The following SHANK2 variants were observed in gnomAD, a reference collection of about 807,000 sequenced individuals.
SHANK2 encodes SH3 and multiple ankyrin repeat domains 2, also known as SH3 and multiple ankyrin repeat domains protein 2.
In SHANK2, 43 loss-of-function variants were observed where a neutral mutation model predicts 133.7. The ratio of observed to expected loss-of-function variants is 0.32; its 90% CI spans 0.25 to 0.41. SHANK2 has a LOEUF of 0.41. Among genes scored for constraint, SHANK2 ranks in the 10% least tolerant of loss-of-function variants. The pLI is 1.00. For missense variants in SHANK2, 1,994 were observed against 2,235.8 expected (o/e 0.89, Z 2.18); for synonymous variants, 1,017 against 952.8 (o/e 1.07, Z -1.24).
chr11:70,607,888 GC>G (rs1161318500), intron 17 of SHANK2, among the ~76,000 whole-genome samples: 1 of 152,214 alleles, frequency 6.6e-6, no homozygotes, highest in Non-Finnish European at 1.5e-5. Context: ...ACAACATATA[GC>G]CCCCCTTTCA....
chr11:71,138,261 C>A (rs1264325423), intron 3 of SHANK2, among the ~76,000 whole-genome samples: 3 of 152,216 alleles, frequency 2.0e-5, no homozygotes, highest in African/African-American at 7.2e-5. Flanking sequence ...AATGGCCGGG[C>A]GCCTCATGGT....
At chr11:71,062,995 TCAAAA>T (rs1951005734) in intron 9 of SHANK2, among the ~76,000 whole-genome samples, 1 of 29,740 alleles carries the variant, frequency 3.4e-5, no homozygotes, top group African/African-American at 1.5e-4. Flanking sequence ...AGACCCTGTC[TCAAAA>T]AAAAAAAAAA....
intron 14 of SHANK2, among the ~76,000 whole-genome samples, chr11:70,761,570 C>T (rs190164485): frequency 4.6e-5 from 7 of 152,212 alleles, no homozygotes; most frequent in Admixed American, 4.6e-4. Flanking sequence ...CCCGGGTGCA[C>T]CAGTGTTCCC....
At chr11:70,716,624 G>A (rs558553810) in intron 14 of SHANK2, among the ~76,000 whole-genome samples, 4 of 152,012 alleles carry the variant, frequency 2.6e-5, no homozygotes, top group South Asian at 2.1e-4. Flanking sequence ...CCCGCCCTCC[G>A]CCCCTGGCCG....
intron 11 of SHANK2, among the ~76,000 whole-genome samples, chr11:70,844,190 C>T (rs1948959465): frequency 6.6e-6 from 1 of 152,312 alleles, no homozygotes; most frequent in Non-Finnish European, 1.5e-5. Flanking sequence ...CTGCCACAGG[C>T]ACCCCTACAA....
chr11:70,757,052 G>C (rs1175954728), intron 14 of SHANK2, among the ~76,000 whole-genome samples: 1 of 152,180 alleles, frequency 6.6e-6, no homozygotes. Context: ...GCCGTGTGAA[G>C]GTCAAAGGCT....
At chr11:70,675,450 G>A (rs1944889074) in intron 15 of SHANK2, among the ~76,000 whole-genome samples, 1 of 152,210 alleles carries the variant, frequency 6.6e-6, no homozygotes, top group Admixed American at 6.5e-5. Flanking sequence ...CAGGGCTGGA[G>A]GCAAAGCCAG....
At chr11:70,581,599 G>A (rs59167916) in intron 17 of SHANK2, among the ~76,000 whole-genome samples, 3,957 of 152,336 alleles carry the variant, frequency 0.026, 124 homozygotes, top group African/African-American at 0.069. Flanking sequence ...GCTGAGGCAG[G>A]AGAATCACTT....
chr11:70,768,233 T>C (rs1391443025), intron 14 of SHANK2, among the ~76,000 whole-genome samples: 2 of 152,170 alleles, frequency 1.3e-5, no homozygotes, highest in Non-Finnish European at 2.9e-5. Context: ...CCATGTCTGA[T>C]GGACAGGGTA....
chr11:70,831,134 T>A (rs1948718487), intron 11 of SHANK2, among the ~76,000 whole-genome samples: 1 of 152,012 alleles, frequency 6.6e-6, no homozygotes, highest in South Asian at 2.1e-4. Context: ...AGGGTGGCAA[T>A]GTGAGTGGTT....
intron 17 of SHANK2, among the ~76,000 whole-genome samples, chr11:70,575,538 A>G (rs1306347837): frequency 6.6e-6 from 1 of 151,748 alleles, no homozygotes; most frequent in East Asian, 1.9e-4. Context: ...AGAAAGTACA[A>G]AGGCCAACAG....
intron 17 of SHANK2, among the ~76,000 whole-genome samples, chr11:70,568,650 C>CCT (rs368097963): frequency 0.013 from 1,637 of 124,994 alleles, 184 homozygotes; most frequent in African/African-American, 0.042. Flanking sequence ...ATTCCTGCCC[C>CCT]CCCCGCCCAC....
intron 11 of SHANK2, chr11:70,864,136 G>C (rs1307086622): frequency 2.0e-5 from 5 of 246,580 alleles, no homozygotes; most frequent in African/African-American, 1.1e-4. Context: ...GGTCACCAAG[G>C]AGGCAAAGGG....
chr11:70,940,234 C>CTTCTCT (rs1293574762), intron 10 of SHANK2, among the ~76,000 whole-genome samples: 2 of 95,990 alleles, frequency 2.1e-5, no homozygotes, highest in East Asian at 2.9e-4. Flanking sequence ...TCCCTCCCTT[C>CTTCTCT]TTCTCTCTCT....
At chr11:70,493,849 G>A (rs1174831792) in intron 21 of SHANK2, among the ~76,000 whole-genome samples, 1 of 152,158 alleles carries the variant, frequency 6.6e-6, no homozygotes, top group Non-Finnish European at 1.5e-5. Flanking sequence ...TGTATGCTAG[G>A]GCCTTGCCCA....
At chr11:70,954,350 A>G (rs116749772) in intron 10 of SHANK2, among the ~76,000 whole-genome samples, 68 of 152,302 alleles carry the variant, frequency 4.5e-4, no homozygotes, top group African/African-American at 1.6e-3. Context: ...CTGTCCCTCA[A>G]CCACACAGTT....
chr11:70,934,028 T>C (rs1555083022), intron 10 of SHANK2, among the ~76,000 whole-genome samples: 1 of 151,682 alleles, frequency 6.6e-6, no homozygotes, highest in Non-Finnish European at 1.5e-5. Context: ...CCCCGGGAGT[T>C]TGAGACCAGC....
At chr11:70,902,206 C>T (rs1590813880) in intron 10 of SHANK2, among the ~76,000 whole-genome samples, 1 of 152,346 alleles carries the variant, frequency 6.6e-6, no homozygotes, top group Middle Eastern at 3.4e-3. Flanking sequence ...GTATGAGACG[C>T]CTCACTGGCA....
intron 2 of SHANK2, among the ~76,000 whole-genome samples, chr11:71,181,979 T>C (rs1555113852): frequency 6.6e-6 from 1 of 152,310 alleles, no homozygotes. Context: ...GGCAGCGCCC[T>C]GCAGTAACCC....
Sources: allele counts gnomAD v4.1 joint callset (sites outside exome capture counted in the v4.1 genomes callset), GRCh38; gene constraint gnomAD v4.1.1; transcripts MANE v1.5; gene names NCBI Gene and HGNC (gene_info 2026-07-23, HGNC 2026-07-21).